The following TEX15 variants were observed in gnomAD, a reference collection of about 807,000 sequenced individuals.
TEX15 encodes testis-expressed protein 15.
TEX15 carries 171 observed loss-of-function variants against 237.3 expected under a neutral mutation model. The observed-to-expected ratio is 0.72, with a 90% confidence interval of 0.64 to 0.82. The LOEUF is 0.82. Among genes scored for constraint, TEX15 ranks in the 40% least tolerant of loss-of-function variants. The pLI is 0.00. For missense variants in TEX15, 3,750 were observed against 3,646.5 expected, an observed-to-expected ratio of 1.03 and a Z score of -0.73; for synonymous variants, 1,338 against 1,269.8, an observed-to-expected ratio of 1.05 and a Z score of -1.14.
chr8:30,854,026 T>G (rs6985408), intron 7 of TEX15, among the ~76,000 whole-genome samples: 2,071 of 152,062 alleles, frequency 0.014, 51 homozygotes, highest in African/African-American at 0.048. Context: ...TTTATAGCTA[T>G]AAAGACCTAT....
In TEX15 at chr8:30,849,126, T is replaced by A; in HGVS notation, c.1041A>T (p.Gln347His). ...SNISNSYGNV[Q>H]NGNISIPETY... is the part of the protein sequence containing the mutation. ...TTTCAGGTATAGAAATGTTTCCATT[T>A]TGTACATTTCCATAGGAGTTAGAAA... The change falls in exon 8 of 11, where the codon CAA becomes CAT. Residue 347 changes from glutamine (Q) to histidine (H), a missense_variant. Transcript: ENST00000643185. 6.3e-7 allele frequency: 1 copy of A among 1,596,662 alleles called. No individual in the cohort carries two copies. Among genetic ancestry groups the A allele is most frequent in the Non-Finnish European group, 8.5e-7 (1 of 1,171,606 alleles).
At chr8:30,903,475 A>G (rs554325356) in intron 1 of TEX15, among the ~76,000 whole-genome samples, 1 of 152,356 alleles carries the variant, frequency 6.6e-6, no homozygotes, top group Non-Finnish European at 1.5e-5. Flanking sequence ...TCCTGGTTGC[A>G]GAGAAAGGTG....
At position 30,848,553 on chromosome 8, in the gene TEX15, A is replaced by C; in HGVS notation, c.1614T>G (p.Phe538Leu). 6.2e-7 allele frequency: 1 copy of C among 1,614,148 alleles called. No individual in the cohort carries two copies. The highest frequency in any genetic ancestry group is 8.5e-7 in the Non-Finnish European group (1 of 1,180,014). Residue 538 changes from phenylalanine to leucine, a missense_variant, in exon 8 of 11, where the codon TTT becomes TTG. Phe to Leu is a conservative substitution (Grantham distance 22, BLOSUM62 0). Coordinates refer to ENST00000643185, the MANE Select transcript of TEX15 (RefSeq NM_001350162.2). ...MAGQCKDQGNFSFPISVSNVV... is the reference protein window; with the variant it reads ...MAGQCKDQGNLSFPISVSNVV... ...CATTTGACACAGAAATTGGGAAGGA[A>C]AAATTACCTTGGTCCTTACATTGCC...
intron 1 of TEX15, among the ~76,000 whole-genome samples, chr8:30,907,179 G>A (rs2128780096): frequency 6.6e-6 from 1 of 152,266 alleles, no homozygotes; most frequent in South Asian, 2.1e-4. Context: ...TTGCTGTGTT[G>A]CCAAGGCTGG....
At chr8:30,870,119 C>T (rs1041745316) in intron 4 of TEX15, among the ~76,000 whole-genome samples, 1 of 151,700 alleles carries the variant, frequency 6.6e-6, no homozygotes, top group African/African-American at 2.4e-5. Flanking sequence ...TATACTCTTG[C>T]TTGTGGGTTT....
chr8:30,888,097 T>C (rs898147695), intron 2 of TEX15, among the ~76,000 whole-genome samples: 4 of 151,760 alleles, frequency 2.6e-5, no homozygotes, highest in Non-Finnish European at 2.9e-5. Context: ...TTTCTTTCTT[T>C]TGAGACAGGG....
Position 30,848,432 on chromosome 8 carries a change from GACT to G in TEX15, c.1732_1734del (p.Ser578del), listed in dbSNP as rs1807682973. ...GAAGACTGCGAGTCCTGAAAAATGTGACTACTGTACTCTTTTGTATAAGCATTA... is the reference window on the plus strand; with the variant it reads ...GAAGACTGCGAGTCCTGAAAAATGTGACTGTACTCTTTTGTATAAGCATTA... On this transcript the variant is annotated inframe_deletion, in exon 8 of 11. Coordinates refer to ENST00000643185, the MANE Select transcript of TEX15 (RefSeq NM_001350162.2). The G allele has an allele frequency of 6.2e-7, 1 of 1,613,976 alleles. No homozygotes were observed. The highest frequency in any genetic ancestry group is 1.7e-5 in the Admixed American group (1 of 60,002).
At chr8:30,896,294 C>T (rs565677225) in intron 2 of TEX15, among the ~76,000 whole-genome samples, 57 of 152,248 alleles carry the variant, frequency 3.7e-4, no homozygotes, top group Middle Eastern at 3.4e-3. Context: ...AGTTTTATCA[C>T]GCTTTTAATT....
At chr8:30,879,673 C>T (rs538912065) in intron 3 of TEX15, among the ~76,000 whole-genome samples, 7 of 152,342 alleles carry the variant, frequency 4.6e-5, no homozygotes, top group Non-Finnish European at 1.0e-4. Context: ...TTTCTTACTA[C>T]AGCTATATGC....
In TEX15 at chr8:30,837,068, A is replaced by C. The variant is rs1210730273; in HGVS notation, c.9216T>G (p.Ser3072=). Residue 3072 remains serine (S), a synonymous_variant, in exon 10 of 11, where the codon TCT becomes TCG. Transcript: ENST00000643185. ...CAACTGTGGTCAACAGCCCAGAAGG[A>C]GATGGCTGTACTTCATATGATGTTA... is the stretch of plus-strand genomic sequence containing the variant. The part of the protein sequence containing the change: ...QGITSYEVQP[S]PSGLLTTVAS... The C allele has an allele frequency of 6.2e-7, 1 of 1,614,086 alleles. No individual in the cohort carries two copies. The highest frequency in any genetic ancestry group is 1.3e-5 in the African/African-American group (1 of 74,934).
intron 1 of TEX15, among the ~76,000 whole-genome samples, chr8:30,911,359 C>T (rs1585321502): frequency 6.6e-6 from 1 of 152,200 alleles, no homozygotes; most frequent in Non-Finnish European, 1.5e-5. Flanking sequence ...CCCATGTTGC[C>T]CAGGCTGGTT....
At position 30,842,115 on chromosome 8, in the gene TEX15, T is replaced by C. The variant is rs149845753; in HGVS notation, c.8052A>G (p.Ile2684Met). 45 of 1,613,718 alleles carry C rather than the reference T, an allele frequency of 2.8e-5. No homozygotes were observed. In the African/African-American group the frequency reaches 4.3e-4, roughly 15 times the overall value. ...TAGAGGAATTTGAGATGTTTTTGTT[T>C]ATGCACTCTGATACTGGGGGCAACA... ...STMLPPVSEC[I>M]NKNISNSSKK... The change falls in exon 8 of 11, where the codon ATA (isoleucine) becomes ATG (methionine). Residue 2684 changes from isoleucine to methionine, a missense_variant. Transcript: ENST00000643185.
At chr8:30,908,906 C>T (rs1391556704) in intron 1 of TEX15, among the ~76,000 whole-genome samples, 1 of 152,116 alleles carries the variant, frequency 6.6e-6, no homozygotes, top group East Asian at 1.9e-4. Flanking sequence ...CTCTAGAATA[C>T]TAGATTACAA....
At chr8:30,864,618 GAA>G (rs200930589) in intron 5 of TEX15, among the ~76,000 whole-genome samples, 8,843 of 81,266 alleles carry the variant, frequency 0.11, 283 homozygotes, top group Non-Finnish European at 0.12. Context: ...TCCCAGACCA[GAA>G]AAAAAAAAAA....
intron 4 of TEX15, among the ~76,000 whole-genome samples, chr8:30,870,722 T>C (rs1808274987): frequency 6.6e-6 from 1 of 152,102 alleles, no homozygotes; most frequent in Non-Finnish European, 1.5e-5. Context: ...TTCCACAATA[T>C]TTAAGAAATG....
Position 30,845,891 on chromosome 8 carries a change from T to C in TEX15, c.4276A>G (p.Ser1426Gly), listed in dbSNP as rs1585284034. ...GAACTATAACCTTGAAGGTCACAACTTTCCCAGAAATTATTGCATATTATT... is the reference window on the plus strand; with the variant it reads ...GAACTATAACCTTGAAGGTCACAACCTTCCCAGAAATTATTGCATATTATT... ...YAIICNNFWE[S>G]CDLQGYSSVS... The change falls in exon 8 of 11, where the codon AGT becomes GGT. Residue 1426 changes from serine (S) to glycine (G), a missense_variant. By Grantham distance (56) the Ser-to-Gly change is moderately conservative. Coordinates refer to ENST00000643185, the MANE Select transcript of TEX15 (RefSeq NM_001350162.2). 1.1e-5 allele frequency: 17 copies of C among 1,613,340 alleles called. No individual in the cohort carries two copies. In the East Asian group the frequency reaches 3.8e-4, roughly 36 times the overall value.
rs546786168 is a variant in TEX15 at position 30,835,167 on chromosome 8, C to T, written c.9481+1636G>A. On this transcript the variant is annotated intron_variant, in intron 10 of 10. Coordinates refer to ENST00000643185, the MANE Select transcript of TEX15 (RefSeq NM_001350162.2). ...TCACACAGGCTGGAGTGCAGTGGCGCGATCTCGGCTCACTGCAACCTCTGC... is the reference window on the plus strand; with the variant it reads ...TCACACAGGCTGGAGTGCAGTGGCGTGATCTCGGCTCACTGCAACCTCTGC... 2.5e-3 allele frequency among the ~76,000 whole-genome samples: 383 copies of T among 151,892 alleles called. 1 individual carries two copies. The highest frequency in any genetic ancestry group is 8.8e-3 in the African/African-American group (363 of 41,400).
intron 1 of TEX15, among the ~76,000 whole-genome samples, chr8:30,904,105 T>C (rs1809053499): frequency 1.3e-5 from 2 of 152,170 alleles, no homozygotes; most frequent in South Asian, 4.1e-4. Flanking sequence ...GACACAACTT[T>C]CAAGGGAATT....
rs567509767 is a variant in TEX15, at chr8:30,833,094, A to G, written c.*192T>C. On this transcript the variant is annotated 3_prime_UTR_variant, in exon 11 of 11. Transcript: ENST00000643185. The stretch of plus-strand genomic sequence containing the variant: ...ATAATTGCATGGAAATAATTCTGGT[A>G]TATCAGATGTTAGAAATTGATGTCC... 6.4e-6 allele frequency: 3 copies of G among 468,214 alleles called. No homozygotes were observed. The highest frequency in any genetic ancestry group is 4.2e-5 in the South Asian group (1 of 23,862). 29.0% of individuals were successfully genotyped at this position (468,214 alleles called of 1,614,324 possible).
Sources: gnomAD v4.1 joint callset for allele counts (sites outside exome capture counted in the v4.1 genomes callset) on GRCh38, gnomAD v4.1.1 for gene constraint, MANE v1.5 for transcripts, NCBI Gene and HGNC (gene_info 2026-07-23, HGNC 2026-07-21) for gene names.